The following ANXA9 variants were observed in gnomAD, a reference collection of about 807,000 sequenced individuals.
ANXA9 encodes the protein annexin 31.
In ANXA9, 47 loss-of-function variants were observed where a neutral mutation model predicts 51.8. The ratio of observed to expected loss-of-function variants is 0.91; its 90% CI spans 0.72 to 1.16. The LOEUF (loss-of-function observed/expected upper bound fraction) is 1.16. Ranked by LOEUF, ANXA9 falls within the 50% of genes most tolerant of loss-of-function variation. The probability of loss-of-function intolerance (pLI) is 0.00; values close to 1 mark genes in which losing one functional copy is unlikely to be tolerated. For missense variants in ANXA9, 361 were observed against 424.7 expected (o/e 0.85, Z 1.32); for synonymous variants, 154 against 168.7 (o/e 0.91, Z 0.68).
chr1:150,982,887 A>G, intron 2 of ANXA9, among the ~76,000 whole-genome samples: 1 of 152,104 alleles, frequency 6.6e-6, no homozygotes, highest in Non-Finnish European at 1.5e-5. Flanking sequence ...GAGTGGGGAG[A>G]GGTGGGGAAG....
chr1:150,994,712 T>TA lies in ANXA9; in HGVS notation c.975+14dup. ...CTCTTCTCTCCAGGTGAAACTTGGC[T>TA]ACTTCTTAGCCTGGAGCCTCAGGCC... On this transcript the variant is annotated intron_variant, in intron 13 of 13. Transcript: ENST00000368947. The TA allele has an allele frequency of 6.2e-7, 1 of 1,613,622 alleles. No individual in the cohort carries two copies. The highest frequency in any genetic ancestry group is 1.3e-5 in the African/African-American group (1 of 75,054).
chr1:150,988,451 C>T (rs1352059415), intron 12 of ANXA9, 110 bp downstream of exon 12: 12 of 1,319,656 alleles, frequency 9.1e-6, no homozygotes, highest in African/African-American at 7.3e-5. Flanking sequence ...AACCTCAAGC[C>T]GCTCTCCTTC....
chr1:150,994,657 G>C lies in ANXA9; in HGVS notation c.933G>C (p.Glu311Asp). Residue 311 changes from glutamate (E) to aspartate (D), a missense_variant, in exon 13 of 14, where the codon GAG becomes GAC. Coordinates refer to ENST00000368947, the MANE Select transcript of ANXA9 (RefSeq NM_003568.3). ...CTGACCTTCTGAGTATCAGAGCTGA[G>C]TTCAGGAAGAAATTTGGGAAGTCCC... ...CETDLLSIRA[E>D]FRKKFGKSLY... 1.9e-6 allele frequency: 3 copies of C among 1,614,078 alleles called. No individual in the cohort carries two copies. The highest frequency in any genetic ancestry group is 1.7e-6 in the Non-Finnish European group (2 of 1,179,986).
upstream of ANXA9, among the ~76,000 whole-genome samples, chr1:150,980,849 G>GATT (rs1671404225): frequency 6.6e-6 from 1 of 151,872 alleles, no homozygotes; most frequent in South Asian, 2.1e-4. Context: ...AAAGTGCTGG[G>GATT]ATTACAGGCA....
At position 150,984,319 on chromosome 1, in the gene ANXA9, C is replaced by G; in HGVS notation, c.306C>G (p.Asn102Lys). The G allele has an allele frequency of 6.2e-7, 1 of 1,614,136 alleles. No individual in the cohort carries two copies. Among genetic ancestry groups the G allele is most frequent in the Non-Finnish European group, 8.5e-7 (1 of 1,180,038 alleles). ...MKSLQAALSG[N>K]LERIVMALLQ... ...CTCTACAGGCAGCACTTTCCGGCAA[C>G]CTGGAGAGGATTGTGATGGCTCTGC... Residue 102 changes from asparagine (N) to lysine (K), a missense_variant, in exon 6 of 14, where the codon AAC becomes AAG. Transcript: ENST00000368947.
intron 7 of ANXA9, among the ~76,000 whole-genome samples, chr1:150,986,014 G>A (rs1226451488): frequency 6.6e-6 from 1 of 151,720 alleles, no homozygotes; most frequent in Non-Finnish European, 1.5e-5. Context: ...AGGGTGCCAG[G>A]TCCTAACCAT....
At chr1:150,988,376 A>C in intron 12 of ANXA9, 35 bp downstream of exon 12, 1 of 1,608,048 alleles carries the variant, frequency 6.2e-7, no homozygotes, top group Non-Finnish European at 8.5e-7. Flanking sequence ...CCCAGAACAG[A>C]AACTGGGGAG....
At chr1:150,994,488 C>A in intron 12 of ANXA9, 89 bp from the exon 13 acceptor site, 1 of 1,569,358 alleles carries the variant, frequency 6.4e-7, no homozygotes. Flanking sequence ...CCTTGCCTCC[C>A]CTTCCTACAA....
chr1:150,995,334 C>T lies in ANXA9; in HGVS notation c.*12C>T. On this transcript the variant is annotated 3_prime_UTR_variant, in exon 14 of 14. Coordinates refer to ENST00000368947, the MANE Select transcript of ANXA9 (RefSeq NM_003568.3). The stretch of plus-strand genomic sequence containing the variant: ...CTGAAGACATGTGAGACTTCCCTGC[C>T]CCACCCCACATGACATCCGAGGATC... The T allele has an allele frequency of 6.3e-7, 1 of 1,597,346 alleles. No individual in the cohort carries two copies. Among genetic ancestry groups the T allele is most frequent in the Non-Finnish European group, 8.5e-7 (1 of 1,171,928 alleles).
Position 150,986,604 on chromosome 1 carries a change from G to A in ANXA9, c.555G>A (p.Gly185=). 1 of 1,606,960 alleles carries A rather than the reference G, an allele frequency of 6.2e-7. No homozygotes were observed. The highest frequency in any genetic ancestry group is 1.1e-5 in the South Asian group (1 of 89,994). Residue 185 remains glycine, a splice_region_variant and synonymous_variant, in exon 9 of 14, where the codon GGG becomes GGA. Transcript: ENST00000368947. ...LQDLLLALAK[G]GRDSYSGIID... is the part of the protein sequence containing the mutation. ...CTAAGAACAGTTTCTCCTCCTAGGG[G>A]GGCCGTGACAGCTACTCTGGAATCA...
chr1:150,978,496 G>A (rs1160798586), upstream of ANXA9, among the ~76,000 whole-genome samples: 2 of 152,156 alleles, frequency 1.3e-5, no homozygotes, highest in African/African-American at 4.8e-5. Flanking sequence ...ATGAACAGTG[G>A]AGGCGGTGTA....
At position 150,983,452 on chromosome 1, in the gene ANXA9, G is replaced by C. The variant is rs752359389; in HGVS notation, c.172+18G>C. 1.1e-5 allele frequency: 17 copies of C among 1,592,664 alleles called. No homozygotes were observed. In the East Asian group the frequency reaches 3.2e-4, roughly 30 times the overall value. ...TGGCCAAGGTGAGCCCCTTTCCCCCGGCACTTGAGACTGCCTTTTAGAGCC... is the reference window on the plus strand; with the variant it reads ...TGGCCAAGGTGAGCCCCTTTCCCCCCGCACTTGAGACTGCCTTTTAGAGCC... On this transcript the variant is annotated intron_variant, in intron 4 of 13. Coordinates refer to ENST00000368947, the MANE Select transcript of ANXA9 (RefSeq NM_003568.3).
chr1:150,983,647 CTG>C (rs1251360287), intron 4 of ANXA9, among the ~76,000 whole-genome samples: 1 of 152,162 alleles, frequency 6.6e-6, no homozygotes, highest in Non-Finnish European at 1.5e-5. Context: ...GATGAGGAAA[CTG>C]GGGCTCAGGG....
At chr1:150,983,590 T>C (rs1393151871) in intron 4 of ANXA9, among the ~76,000 whole-genome samples, 156 bp downstream of exon 4, 2 of 152,204 alleles carry the variant, frequency 1.3e-5, no homozygotes, top group Non-Finnish European at 2.9e-5. Context: ...GTCAAACCCA[T>C]TCTCACAACA....
chr1:150,986,560 G>A, intron 8 of ANXA9, 42 bp from the exon 9 acceptor site: 2 of 1,604,762 alleles, frequency 1.2e-6, no homozygotes, highest in Admixed American at 1.7e-5. Context: ...AGATAAAAAG[G>A]TGCCCTTCAA....
intron 12 of ANXA9, among the ~76,000 whole-genome samples, 175 bp from the exon 13 acceptor site, chr1:150,994,402 T>A (rs1029910301): frequency 2.0e-5 from 3 of 152,114 alleles, no homozygotes; most frequent in Non-Finnish European, 2.9e-5. Flanking sequence ...TGCTGTGTCA[T>A]CTTCCTTGAG....
upstream of ANXA9, among the ~76,000 whole-genome samples, chr1:150,981,091 G>A (rs768364513): frequency 1.3e-5 from 2 of 152,120 alleles, no homozygotes; most frequent in Admixed American, 1.3e-4. Context: ...AAGGACTAGC[G>A]AAGCTTACAG....
At chr1:150,979,814 A>T (rs1558036853), upstream of ANXA9, among the ~76,000 whole-genome samples, 1 of 152,244 alleles carries the variant, frequency 6.6e-6, no homozygotes, top group Non-Finnish European at 1.5e-5. Context: ...TAACATTGTG[A>T]CATTTCTACT....
At chr1:150,984,423 TCTGGGGAAGGGAGAAGG>T in intron 6 of ANXA9, 29 bp downstream of exon 6, 2 of 1,607,058 alleles carry the variant, frequency 1.2e-6, no homozygotes, top group Non-Finnish European at 1.7e-6. Context: ...TGCTGGGGTG[TCTGGGGAAGGGAGAAGG>T]CTGTCAGCCT....
Sources: gnomAD v4.1 joint callset for allele counts (sites outside exome capture counted in the v4.1 genomes callset) on GRCh38, gnomAD v4.1.1 for gene constraint, MANE v1.5 for transcripts, NCBI Gene and HGNC (gene_info 2026-07-23, HGNC 2026-07-21) for gene names.